Variants in ATP1B3 observed in about 807,000 individuals in gnomAD.
ATP1B3 encodes the protein sodium/potassium-transporting ATPase subunit beta-3.
In ATP1B3, 10 loss-of-function variants were observed where a neutral mutation model predicts 30.2. That is an observed-to-expected ratio of 0.33 (90% CI 0.20 to 0.56). ATP1B3 has a LOEUF of 0.56. ATP1B3 is among the 20% of genes least tolerant of loss of function. ATP1B3 has a pLI of 0.90. For missense variants in ATP1B3, 238 were observed against 336.7 expected (o/e 0.71, Z 2.29); for synonymous variants, 113 against 117.0 (o/e 0.97, Z 0.22).
rs773594863 is a variant in ATP1B3, at chr3:141,877,612, A to G, written c.109+702A>G. ...TAATTACAGAGGTTTTCTTCCTTAC[A>G]AATTTGCTTCTTTGGGGAAAGTAAA... On this transcript the variant is annotated intron_variant, in intron 1 of 6. Coordinates refer to ENST00000286371, the MANE Select transcript of ATP1B3 (RefSeq NM_001679.4). 1.8e-4 allele frequency: 27 copies of G among 151,888 alleles called. No homozygotes were observed. The Middle Eastern group carries it at 0.01, about 59-fold the overall frequency. The allele number at this position is 151,888 out of a possible 1,614,324, so 9.4% of individuals were successfully genotyped here.
chr3:141,884,608 TCTAATCAGC>T (rs1342140057), intron 1 of ATP1B3, among the ~76,000 whole-genome samples: 3 of 152,170 alleles, frequency 2.0e-5, no homozygotes, highest in Non-Finnish European at 2.9e-5. Flanking sequence ...GTGGGCACTG[TCTAATCAGC>T]TGCCAGCAAA....
intron 4 of ATP1B3, among the ~76,000 whole-genome samples, chr3:141,914,195 C>G (rs1934415211): frequency 4.6e-5 from 7 of 152,136 alleles, no homozygotes; most frequent in Admixed American, 4.6e-4. Context: ...ATCTGTGAAT[C>G]CTGTGTTGTA....
chr3:141,909,601 T>A (rs1367861919), intron 3 of ATP1B3, among the ~76,000 whole-genome samples: 1 of 152,172 alleles, frequency 6.6e-6, no homozygotes, highest in Non-Finnish European at 1.5e-5. Context: ...GCCCTGAGGC[T>A]TATGGTGCTG....
At chr3:141,917,398 A>G (rs1366819806) in intron 5 of ATP1B3, among the ~76,000 whole-genome samples, 1 of 152,096 alleles carries the variant, frequency 6.6e-6, no homozygotes, top group African/African-American at 2.4e-5. Flanking sequence ...GGAAACTTGT[A>G]CAAAAAGCCA....
intron 3 of ATP1B3, among the ~76,000 whole-genome samples, chr3:141,909,823 G>A (rs551259134): frequency 6.6e-6 from 1 of 152,292 alleles, no homozygotes; most frequent in African/African-American, 2.4e-5. Flanking sequence ...AAAGGATCCT[G>A]CAGGCTTCTC....
chr3:141,918,260 A>C (rs1934504451), intron 5 of ATP1B3: 1 of 152,166 alleles, frequency 6.6e-6, no homozygotes, highest in African/African-American at 2.4e-5. Flanking sequence ...AGCTGGGTAG[A>C]AGTGCTAATT....
At position 141,902,080 on chromosome 3, in the gene ATP1B3, C is replaced by G; in HGVS notation, c.110-1540C>G. 2.4e-6 allele frequency: 3 copies of G among 1,228,398 alleles called. No homozygotes were observed. In the South Asian group the frequency reaches 3.8e-5, roughly 15 times the overall value. 76.1% of individuals were successfully genotyped at this position (1,228,398 alleles called of 1,614,324 possible). A position where few individuals can be genotyped will look rare whatever the true frequency, so the allele number is the denominator to read the frequency against. The stretch of plus-strand genomic sequence containing the variant: ...GTGGGCTTTCTGTGTGTTTCATTTC[C>G]CTCTATAGCAAACTGTTTACTTCTT... On this transcript the variant is annotated intron_variant, in intron 1 of 6. Transcript: ENST00000286371.
chr3:141,914,328 T>G (rs1934417553), intron 4 of ATP1B3, among the ~76,000 whole-genome samples: 1 of 152,186 alleles, frequency 6.6e-6, no homozygotes, highest in Non-Finnish European at 1.5e-5. Flanking sequence ...GAAATACAAA[T>G]AAAATCCCAT....
rs776954006 is a variant in ATP1B3 at position 141,907,139 on chromosome 3, A to G, written c.239-28A>G. The stretch of plus-strand genomic sequence containing the variant: ...AAGGAAAAGAAGAGAAGGAAATTTG[A>G]TAATCTCTCCCTTTTATGTCTTTAT... On this transcript the variant is annotated intron_variant, in intron 2 of 6. Coordinates refer to ENST00000286371, the MANE Select transcript of ATP1B3 (RefSeq NM_001679.4). 9 of 1,513,838 alleles carry G rather than the reference A, an allele frequency of 5.9e-6. 1 individual carries two copies. The highest frequency in any genetic ancestry group is 3.8e-5 in the Admixed American group (2 of 52,450). The allele number at this position is 1,513,838 out of a possible 1,614,324, so 93.8% of individuals were successfully genotyped here.
chr3:141,904,768 G>A (rs1934234154), intron 2 of ATP1B3, among the ~76,000 whole-genome samples: 1 of 135,846 alleles, frequency 7.4e-6, no homozygotes, highest in Admixed American at 8.0e-5. Flanking sequence ...GGAGTGCAAT[G>A]GTGTGATCTC....
At chr3:141,880,411 A>G (rs1156800456) in intron 1 of ATP1B3, among the ~76,000 whole-genome samples, 2 of 152,344 alleles carry the variant, frequency 1.3e-5, no homozygotes, top group East Asian at 1.9e-4. Context: ...GCTGAAAAGT[A>G]AGTATAAGTC....
chr3:141,890,729 C>A (rs1012402561), intron 1 of ATP1B3, among the ~76,000 whole-genome samples: 3 of 150,584 alleles, frequency 2.0e-5, no homozygotes, highest in Non-Finnish European at 2.9e-5. Flanking sequence ...TGAGCCACCA[C>A]GCCCACCTAA....
chr3:141,890,290 T>C lies in ATP1B3; in HGVS notation c.110-13330T>C, dbSNP rs1404855241. 7.5e-3 allele frequency among the ~76,000 whole-genome samples: 130 copies of C among 17,256 alleles called. 18 individuals are homozygous for C. Among genetic ancestry groups the C allele is most frequent in the African/African-American group, 0.039 (113 of 2,898 alleles). The allele number at this position is 17,256 out of a possible 152,430, so 11.3% of individuals were successfully genotyped here. ...TTGTTTGTTTTTTTGTGGGGCTTTT[T>C]TTTTTTTTTTTTTTTTTTTTTTTTT... is the stretch of plus-strand genomic sequence containing the variant. On this transcript the variant is annotated intron_variant, in intron 1 of 6. Coordinates refer to ENST00000286371, the MANE Select transcript of ATP1B3 (RefSeq NM_001679.4).
chr3:141,876,667 CGAG>C lies in ATP1B3; in HGVS notation c.-130_-128del, dbSNP rs1157994347. 1.8e-5 allele frequency: 10 copies of C among 567,966 alleles called. No homozygotes were observed. Among genetic ancestry groups the C allele is most frequent in the East Asian group, 1.2e-4 (3 of 25,694 alleles). 35.2% of individuals were successfully genotyped at this position (567,966 alleles called of 1,614,324 possible). A position where few individuals can be genotyped will look rare whatever the true frequency, so the allele number is the denominator to read the frequency against. ...CAGTCGGCTCGAGTACTCCCCGTAA[CGAG>C]GAGGTGTTCTCGGCCGTCCCACCCT... On this transcript the variant is annotated 5_prime_UTR_variant, in exon 1 of 7. Coordinates refer to ENST00000286371, the MANE Select transcript of ATP1B3 (RefSeq NM_001679.4).
intron 3 of ATP1B3, among the ~76,000 whole-genome samples, chr3:141,910,945 C>T (rs1404033878): frequency 2.6e-5 from 4 of 151,940 alleles, no homozygotes; most frequent in Non-Finnish European, 5.9e-5. Context: ...AGTTTATCTC[C>T]ATATAGAACT....
intron 1 of ATP1B3, among the ~76,000 whole-genome samples, chr3:141,894,847 A>T (rs1334095033): frequency 2.0e-5 from 3 of 152,218 alleles, no homozygotes; most frequent in African/African-American, 7.2e-5. Flanking sequence ...TAGCATAGTA[A>T]ATATATAAAC....
chr3:141,895,546 C>T (rs1221878785), intron 1 of ATP1B3, among the ~76,000 whole-genome samples: 1 of 152,100 alleles, frequency 6.6e-6, no homozygotes, highest in African/African-American at 2.4e-5. Context: ...TGTGTATCCA[C>T]AGTTCTTATT....
chr3:141,905,624 C>T (rs970938729), intron 2 of ATP1B3, among the ~76,000 whole-genome samples: 1 of 152,150 alleles, frequency 6.6e-6, no homozygotes, highest in African/African-American at 2.4e-5. Context: ...TCTTTTAAAA[C>T]TCTTAGTGTA....
intron 2 of ATP1B3, among the ~76,000 whole-genome samples, chr3:141,904,183 A>T (rs992348633): frequency 6.6e-6 from 1 of 152,228 alleles, no homozygotes; most frequent in Non-Finnish European, 1.5e-5. Context: ...GAGCTGAGTA[A>T]TGTGAAGGTT....
Sources: allele counts gnomAD v4.1 joint callset (sites outside exome capture counted in the v4.1 genomes callset), GRCh38; gene constraint gnomAD v4.1.1; transcripts MANE v1.5; gene names NCBI Gene and HGNC (gene_info 2026-07-23, HGNC 2026-07-21).